Variants in SPECC1L observed in about 807,000 individuals in gnomAD.
SPECC1L encodes cytospin-A.
A neutral mutation model predicts 116.8 loss-of-function variants in SPECC1L; 40 were observed. The observed-to-expected ratio is 0.34, with a 90% CI of 0.27 to 0.45. SPECC1L has a LOEUF of 0.45. Ranked by LOEUF, SPECC1L falls within the 20% of genes least tolerant of loss-of-function variation. The pLI is 1.00. For synonymous variants in SPECC1L, 504 were observed against 500.6 expected, an observed-to-expected ratio of 1.01 and a Z score of -0.09; for missense variants, 1,110 against 1,373.6, an observed-to-expected ratio of 0.81 and a Z score of 3.03.
rs530488534 is a variant in SPECC1L at position 24,392,679 on chromosome 22, T to C, written c.3088-18909T>C. Among the ~76,000 whole-genome samples, 57 of 152,328 alleles carry C rather than the reference T, an allele frequency of 3.7e-4. 1 individual carries two copies. The South Asian group carries it at 0.011, about 29-fold the overall frequency. On this transcript the variant is annotated intron_variant, in intron 14 of 16. Coordinates refer to ENST00000314328, the MANE Select transcript of SPECC1L (RefSeq NM_015330.6). The stretch of plus-strand genomic sequence containing the variant: ...TAGTTTCCTTTCTGAATGCACTCTT[T>C]AGATTCAGTAGAAAAGAGGCTGGTT...
At chr22:24,344,831 T>A (rs1454909247) in intron 10 of SPECC1L, among the ~76,000 whole-genome samples, 1 of 152,148 alleles carries the variant, frequency 6.6e-6, no homozygotes, top group Non-Finnish European at 1.5e-5. Flanking sequence ...TATAATGAAA[T>A]GTATGCACAA....
chr22:24,318,704 G>GGGC (rs2040655775), intron 4 of SPECC1L, among the ~76,000 whole-genome samples: 1 of 152,158 alleles, frequency 6.6e-6, no homozygotes, highest in Non-Finnish European at 1.5e-5. Flanking sequence ...CAGATCACTT[G>GGGC]AGCCTAGGAG....
chr22:24,327,298 A>AG, intron 6 of SPECC1L, among the ~76,000 whole-genome samples: 1 of 150,748 alleles, frequency 6.6e-6, no homozygotes, highest in Non-Finnish European at 1.5e-5. Context: ...AAAAAAAAAA[A>AG]AAAACATCAG....
intron 14 of SPECC1L, among the ~76,000 whole-genome samples, chr22:24,405,670 T>G (rs62233993): frequency 0.019 from 2,894 of 151,980 alleles, 49 homozygotes; most frequent in African/African-American, 0.042. Flanking sequence ...TGAAACCTCA[T>G]CTCTACTAAA....
intron 6 of SPECC1L, among the ~76,000 whole-genome samples, chr22:24,328,034 C>T (rs188451019): frequency 1.3e-5 from 2 of 152,158 alleles, no homozygotes; most frequent in African/African-American, 4.8e-5. Flanking sequence ...GTAACACAGC[C>T]GTAAGCGGTT....
intron 8 of SPECC1L, among the ~76,000 whole-genome samples, chr22:24,332,589 C>CT (rs1224649244): frequency 2.6e-5 from 4 of 152,150 alleles, no homozygotes; most frequent in South Asian, 4.2e-4. Context: ...GTAAGACTTG[C>CT]TTTTTTTATA....
chr22:24,333,191 C>A (rs1162977504), intron 8 of SPECC1L, among the ~76,000 whole-genome samples: 1 of 152,142 alleles, frequency 6.6e-6, no homozygotes. Context: ...TGCGCCACTG[C>A]ACTCCAGCCT....
Position 24,318,226 on chromosome 22 carries a change from G to A in SPECC1L, c.308-3062G>A, listed in dbSNP as rs566258748. ...ATCACGCCACTGCACTCCAGCCTGGGCACCATTGAGCAATGAGTGAAGGAG... is the reference window on the plus strand; with the variant it reads ...ATCACGCCACTGCACTCCAGCCTGGACACCATTGAGCAATGAGTGAAGGAG... On this transcript the variant is annotated intron_variant, in intron 4 of 16. Transcript: ENST00000314328. 5.3e-5 allele frequency among the ~76,000 whole-genome samples: 8 copies of A among 152,354 alleles called. No homozygotes were observed. The East Asian group carries it at 1.3e-3, about 26-fold the overall frequency.
chr22:24,406,442 C>T (rs2042592247), intron 14 of SPECC1L, among the ~76,000 whole-genome samples: 1 of 152,194 alleles, frequency 6.6e-6, no homozygotes, highest in South Asian at 2.1e-4. Context: ...CCAGAGCAGT[C>T]TGGAAGGAGG....
intron 3 of SPECC1L, among the ~76,000 whole-genome samples, chr22:24,311,345 A>G (rs2040456574): frequency 6.6e-6 from 1 of 152,220 alleles, no homozygotes; most frequent in Non-Finnish European, 1.5e-5. Flanking sequence ...TTTTATTAGC[A>G]GGATACAAAA....
chr22:24,363,373 T>C (rs373225421), intron 12 of SPECC1L, 29 bp downstream of exon 12: 27 of 1,592,872 alleles, frequency 1.7e-5, no homozygotes, highest in African/African-American at 4.0e-5. Context: ...ATTTTTGTTG[T>C]ATTTGTTGTT....
In SPECC1L at chr22:24,411,712, A is replaced by G; in HGVS notation, c.3204+8A>G. 3.1e-6 allele frequency: 5 copies of G among 1,607,466 alleles called. No individual in the cohort carries two copies. Among genetic ancestry groups the G allele is most frequent in the East Asian group, 2.2e-5 (1 of 44,860 alleles). The stretch of plus-strand genomic sequence containing the variant: ...CTGAACAGCCAGGATAAGGTAGGCC[A>G]TGGAGGGCCAGCTCCTGGCACCCAC... On this transcript the variant is annotated splice_region_variant and intron_variant, in intron 15 of 16. Transcript: ENST00000314328.
At chr22:24,298,029 A>G (rs2049300832) in intron 2 of SPECC1L, among the ~76,000 whole-genome samples, 1 of 152,196 alleles carries the variant, frequency 6.6e-6, no homozygotes, top group African/African-American at 2.4e-5. Context: ...GGTGGTATGT[A>G]TACATGGTCC....
chr22:24,322,235 C>G lies in SPECC1L; in HGVS notation c.1255C>G (p.Gln419Glu), dbSNP rs1459444098. 6.2e-7 allele frequency: 1 copy of G among 1,614,146 alleles called. No homozygotes were observed. Among genetic ancestry groups the G allele is most frequent in the Non-Finnish European group, 8.5e-7 (1 of 1,180,034 alleles). ...AAGTGAGGAACTCCAGGCAACCCTG[C>G]AAGAGCTAGCTGATTTACAGCAGAT... The part of the protein sequence containing the change: ...STSEELQATL[Q>E]ELADLQQITQ... Residue 419 changes from glutamine (Q) to glutamate (E), a missense_variant, in exon 5 of 17, where the codon CAA (glutamine) becomes GAA (glutamate). Around this residue, in one of 4 missense-constraint regions of SPECC1L, gnomAD observed 22 missense variants for 60.1 expected, o/e 0.37. Coordinates refer to ENST00000314328, the MANE Select transcript of SPECC1L (RefSeq NM_015330.6).
At chr22:24,329,281 A>T (rs2040891045) in intron 7 of SPECC1L, among the ~76,000 whole-genome samples, 1 of 152,262 alleles carries the variant, frequency 6.6e-6, no homozygotes, top group Non-Finnish European at 1.5e-5. Flanking sequence ...CAAATATTCC[A>T]AAATCCAAAG....
intron 14 of SPECC1L, among the ~76,000 whole-genome samples, chr22:24,388,153 A>G (rs888105580): frequency 6.6e-6 from 1 of 151,866 alleles, no homozygotes; most frequent in Non-Finnish European, 1.5e-5. Flanking sequence ...ACATACGTAT[A>G]CATGTGCCAT....
intron 14 of SPECC1L, among the ~76,000 whole-genome samples, chr22:24,389,935 G>C (rs2042233376): frequency 6.6e-6 from 1 of 152,102 alleles, no homozygotes; most frequent in Non-Finnish European, 1.5e-5. Flanking sequence ...GGGTTGAGTA[G>C]ATTCTTATAT....
intron 4 of SPECC1L, among the ~76,000 whole-genome samples, chr22:24,317,362 G>A (rs2040605850): frequency 8.8e-6 from 1 of 113,342 alleles, no homozygotes; most frequent in Non-Finnish European, 1.9e-5. Context: ...GGGCAGAGGG[G>A]CTCCTCACTT....
At chr22:24,310,251 C>T (rs899502203) in intron 3 of SPECC1L, among the ~76,000 whole-genome samples, 1 of 152,028 alleles carries the variant, frequency 6.6e-6, no homozygotes, top group Non-Finnish European at 1.5e-5. Flanking sequence ...ATATGCTTTC[C>T]TGTGTATATA....
Sources: allele counts gnomAD v4.1 joint callset (sites outside exome capture counted in the v4.1 genomes callset), GRCh38; gene constraint gnomAD v4.1.1; regional missense constraint gnomAD v4.1.1; transcripts MANE v1.5; gene names NCBI Gene and HGNC (gene_info 2026-07-23, HGNC 2026-07-21).